Variants in TNKS observed in about 807,000 individuals in gnomAD.
The protein encoded by TNKS is poly [ADP-ribose] polymerase tankyrase-1.
A neutral mutation model predicts 135.8 loss-of-function variants in TNKS; 72 were observed. The observed-to-expected ratio is 0.53, with a 90% CI of 0.44 to 0.64. The LOEUF is 0.64. TNKS is among the 30% of genes least tolerant of loss of function. TNKS has a pLI of 0.00. For missense variants in TNKS, 1,769 were observed against 1,674.0 expected (o/e 1.06, Z -0.99); for synonymous variants, 849 against 649.3 (o/e 1.31, Z -4.68).
chr8:9,763,307 T>C, intron 22 of TNKS, 63 bp downstream of exon 22: 1 of 1,168,406 alleles, frequency 8.6e-7, no homozygotes, highest in Non-Finnish European at 1.2e-6. Context: ...CCTCTTTTTC[T>C]GGAATTAACC....
chr8:9,629,717 C>T (rs192179666), intron 3 of TNKS, among the ~76,000 whole-genome samples: 2 of 152,242 alleles, frequency 1.3e-5, no homozygotes, highest in Admixed American at 1.3e-4. Flanking sequence ...AAGTCTCGCT[C>T]TGTCGCCCAG....
At chr8:9,664,417 T>C (rs1801890146) in intron 3 of TNKS, among the ~76,000 whole-genome samples, 2 of 152,294 alleles carry the variant, frequency 1.3e-5, no homozygotes, top group South Asian at 4.1e-4. Context: ...TCATGAGGGA[T>C]CCACCTCCAT....
chr8:9,596,208 T>C (rs762518236), intron 2 of TNKS, among the ~76,000 whole-genome samples: 3 of 152,212 alleles, frequency 2.0e-5, no homozygotes, highest in Non-Finnish European at 4.4e-5. Context: ...ATGAAAATGG[T>C]ATTTGAGACA....
At chr8:9,624,557 T>G (rs1799985837) in intron 3 of TNKS, among the ~76,000 whole-genome samples, 1 of 152,230 alleles carries the variant, frequency 6.6e-6, no homozygotes, top group South Asian at 2.1e-4. Flanking sequence ...GCCAGGATAT[T>G]GACATTGATG....
intron 17 of TNKS, among the ~76,000 whole-genome samples, chr8:9,745,524 C>G (rs2128824851): frequency 6.6e-6 from 1 of 152,284 alleles, no homozygotes; most frequent in South Asian, 2.1e-4. Context: ...CCTGCCTCAG[C>G]CTCCCAAGTA....
At chr8:9,709,294 A>C (rs948761544) in intron 9 of TNKS, among the ~76,000 whole-genome samples, 7 of 152,242 alleles carry the variant, frequency 4.6e-5, no homozygotes, top group Non-Finnish European at 1.0e-4. Flanking sequence ...GATTCAAGCT[A>C]CACGGTGTTA....
rs545398495 is a variant in TNKS at position 9,588,601 on chromosome 8, G to A, written c.898+8218G>A. Among the ~76,000 whole-genome samples the A allele has an allele frequency of 2.6e-5, 4 of 152,252 alleles. No homozygotes were observed. The South Asian group carries it at 8.3e-4, about 32-fold the overall frequency. On this transcript the variant is annotated intron_variant, in intron 2 of 26. Coordinates refer to ENST00000310430, the MANE Select transcript of TNKS (RefSeq NM_003747.3). The stretch of plus-strand genomic sequence containing the variant: ...CCAAATTGTTTCTTTTATCTAAAAA[G>A]GGGAATTTTATTGTCTGCAATATGA...
intron 2 of TNKS, among the ~76,000 whole-genome samples, chr8:9,581,733 G>A (rs549497982): frequency 6.6e-6 from 1 of 152,164 alleles, no homozygotes; most frequent in South Asian, 2.1e-4. Flanking sequence ...ATCCTTTCCA[G>A]GCTTCAGTCT....
At chr8:9,708,809 C>G (rs1301758114) in intron 9 of TNKS, among the ~76,000 whole-genome samples, 1 of 150,878 alleles carries the variant, frequency 6.6e-6, no homozygotes, top group East Asian at 1.9e-4. Flanking sequence ...ATTTTTTTTT[C>G]TTATGTTTGC....
intron 2 of TNKS, 91 bp downstream of exon 2, chr8:9,580,474 G>C: frequency 8.5e-7 from 1 of 1,172,194 alleles, no homozygotes; most frequent in East Asian, 2.5e-5. Context: ...GAATAGGTAA[G>C]GAAGGGTTTA....
chr8:9,717,101 A>ATATATATATATATATT lies in TNKS; in HGVS notation c.1750-3272_1750-3271insATATATATATATATTT, dbSNP rs1454492300. ...TATATATATATATATATATATATAT[A>ATATATATATATATATT]TTTTCAGGGAATTTGATTGTTTCTT... On this transcript the variant is annotated intron_variant, in intron 11 of 26. Coordinates refer to ENST00000310430, the MANE Select transcript of TNKS (RefSeq NM_003747.3). Among the ~76,000 whole-genome samples, 42 of 119,318 alleles carry ATATATATATATATATT rather than the reference A, an allele frequency of 3.5e-4. 1 individual carries two copies. The highest frequency in any genetic ancestry group is 1.1e-3 in the African/African-American group (38 of 34,578). 78.3% of individuals were successfully genotyped at this position (119,318 alleles called of 152,430 possible). A position where few individuals can be genotyped will look rare whatever the true frequency, so the allele number is the denominator to read the frequency against.
intron 1 of TNKS, among the ~76,000 whole-genome samples, chr8:9,577,675 C>G (rs1465575496): frequency 2.6e-5 from 4 of 152,214 alleles, no homozygotes; most frequent in Non-Finnish European, 5.9e-5. Flanking sequence ...TCTTCTAACA[C>G]TGGGGATCAT....
intron 12 of TNKS, among the ~76,000 whole-genome samples, chr8:9,720,758 T>G (rs768621446): frequency 6.6e-6 from 1 of 152,142 alleles, no homozygotes; most frequent in South Asian, 2.1e-4. Flanking sequence ...TTTTTAGGTT[T>G]AAATTGAAAA....
At chr8:9,659,109 G>C (rs545422493) in intron 3 of TNKS, among the ~76,000 whole-genome samples, 1 of 152,250 alleles carries the variant, frequency 6.6e-6, no homozygotes, top group African/African-American at 2.4e-5. Flanking sequence ...AGTACAAAGA[G>C]ACATAGACTC....
intron 17 of TNKS, among the ~76,000 whole-genome samples, chr8:9,740,507 G>C (rs925962202): frequency 1.3e-5 from 2 of 152,152 alleles, no homozygotes; most frequent in African/African-American, 4.8e-5. Context: ...TTCAGAGAGA[G>C]GACAAATCTG....
chr8:9,595,424 C>G (rs2128756303), intron 2 of TNKS, among the ~76,000 whole-genome samples: 1 of 152,226 alleles, frequency 6.6e-6, no homozygotes, highest in East Asian at 1.9e-4. Flanking sequence ...ACTGAGTACT[C>G]TTAACGTTGA....
At chr8:9,705,920 G>C (rs1481509221) in intron 6 of TNKS, among the ~76,000 whole-genome samples, 1 of 152,106 alleles carries the variant, frequency 6.6e-6, no homozygotes, top group Non-Finnish European at 1.5e-5. Flanking sequence ...GCATGCATTT[G>C]TCAATTAGCA....
rs1451530847 is a variant in TNKS at position 9,777,133 on chromosome 8, A to G, written c.*397A>G. On this transcript the variant is annotated 3_prime_UTR_variant, in exon 27 of 27. Coordinates refer to ENST00000310430, the MANE Select transcript of TNKS (RefSeq NM_003747.3). ...TCTATAACAAATATACACATACGACAGGCAACAAGCTTGTTTTTGATTTGC... is the reference window on the plus strand; with the variant it reads ...TCTATAACAAATATACACATACGACGGGCAACAAGCTTGTTTTTGATTTGC... The G allele has an allele frequency of 6.1e-6, 1 of 163,474 alleles. No homozygotes were observed. Among genetic ancestry groups the G allele is most frequent in the Non-Finnish European group, 1.3e-5 (1 of 74,462 alleles). The allele number at this position is 163,474 out of a possible 1,614,324, so 10.1% of individuals were successfully genotyped here. A position where few individuals can be genotyped will look rare whatever the true frequency, so the allele number is the denominator to read the frequency against.
rs999171162 is a variant in TNKS at position 9,709,596 on chromosome 8, A to T, written c.1579-359A>T. Among the ~76,000 whole-genome samples, 3 of 152,314 alleles carry T rather than the reference A, an allele frequency of 2.0e-5. No homozygotes were observed. The South Asian group carries it at 6.2e-4, about 32-fold the overall frequency. ...TTAGAAATACTGACTTGTGTGGCTG[A>T]TGGCCTAATGAAAGATTGAGTAACT... is the stretch of plus-strand genomic sequence containing the variant. On this transcript the variant is annotated intron_variant, in intron 9 of 26. Coordinates refer to ENST00000310430, the MANE Select transcript of TNKS (RefSeq NM_003747.3).
Sources: gnomAD v4.1 joint callset for allele counts (sites outside exome capture counted in the v4.1 genomes callset) on GRCh38, gnomAD v4.1.1 for gene constraint, MANE v1.5 for transcripts, NCBI Gene and HGNC (gene_info 2026-07-23, HGNC 2026-07-21) for gene names.